NCKAP5: variants seen among roughly 807,000 people sequenced by gnomAD.
The protein encoded by NCKAP5 is NCK associated protein 5.
Under a neutral mutation model 167.0 loss-of-function variants are expected in NCKAP5, and 92 were observed. The observed-to-expected ratio is 0.55, with a 90% CI of 0.47 to 0.66. The LOEUF (loss-of-function observed/expected upper bound fraction) is 0.66, where lower values mean the gene tolerates loss of function less well. NCKAP5 is among the 30% of genes least tolerant of loss of function. The pLI is 0.00. For synonymous variants in NCKAP5, 891 were observed against 877.4 expected (o/e 1.02, Z -0.27); for missense variants, 2,378 against 2,315.0 (o/e 1.03, Z -0.56).
Position 132,782,362 on chromosome 2 carries a change from A to G in NCKAP5, c.4449T>C (p.Asn1483=). Residue 1483 remains asparagine, a synonymous_variant, in exon 14 of 20, where the codon AAT becomes AAC. Transcript: ENST00000409261. Reference sequence around the variant, plus strand: ...TTGTTTGCACTTGGCCCTTTTCCACATTTTCCTGAATGCACAACATGACCT... The same window carrying G: ...TTGTTTGCACTTGGCCCTTTTCCACGTTTTCCTGAATGCACAACATGACCT... ...EEKVMLCIQE[N]VEKGQVQTKP... The G allele has an allele frequency of 6.2e-7, 1 of 1,613,884 alleles. No individual in the cohort carries two copies. The highest frequency in any genetic ancestry group is 8.5e-7 in the Non-Finnish European group (1 of 1,179,882).
intron 11 of NCKAP5, 95 bp downstream of exon 11, chr2:132,860,397 C>T: frequency 1.5e-6 from 2 of 1,350,454 alleles, no homozygotes; most frequent in Non-Finnish European, 2.0e-6. Context: ...ATGCAATATG[C>T]CTTGCTCATG....
At chr2:133,021,342 AG>A (rs1352561245) in intron 6 of NCKAP5, among the ~76,000 whole-genome samples, 1 of 152,212 alleles carries the variant, frequency 6.6e-6, no homozygotes, top group Admixed American at 6.5e-5. Flanking sequence ...AGGGAGGCCC[AG>A]AAATGAACAA....
intron 6 of NCKAP5, among the ~76,000 whole-genome samples, chr2:133,062,907 A>G (rs938987191): frequency 1.3e-5 from 2 of 152,184 alleles, no homozygotes; most frequent in African/African-American, 4.8e-5. Context: ...AAATAACGAG[A>G]TTAAATTATC....
At chr2:133,123,510 T>C (rs1480694193) in intron 6 of NCKAP5, 1 of 198,138 alleles carries the variant, frequency 5.0e-6, no homozygotes, top group African/African-American at 2.3e-5. Flanking sequence ...CATCTTCAAC[T>C]TCTGGTAGAT....
chr2:133,240,960 G>C (rs1464567496), intron 4 of NCKAP5, among the ~76,000 whole-genome samples: 1 of 152,046 alleles, frequency 6.6e-6, no homozygotes, highest in Non-Finnish European at 1.5e-5. Flanking sequence ...AAACAATTTT[G>C]CTAAAATTCT....
chr2:133,111,533 G>C (rs1485475015), intron 6 of NCKAP5, among the ~76,000 whole-genome samples: 1 of 152,154 alleles, frequency 6.6e-6, no homozygotes, highest in East Asian at 1.9e-4. Context: ...GTGGGGATCA[G>C]AGCCTTCCTG....
intron 6 of NCKAP5, among the ~76,000 whole-genome samples, chr2:133,071,242 C>T (rs892309394): frequency 1.3e-5 from 2 of 152,144 alleles, no homozygotes; most frequent in African/African-American, 4.8e-5. Flanking sequence ...ACCAAGAAAA[C>T]TTACAAAAGA....
intron 19 of NCKAP5, among the ~76,000 whole-genome samples, chr2:132,717,143 T>C (rs138528744): frequency 7.8e-4 from 119 of 152,332 alleles, no homozygotes; most frequent in African/African-American, 2.8e-3. Context: ...TCAGTACTTT[T>C]CATTTGTCAT....
the NCKAP5 span, among the ~76,000 whole-genome samples, chr2:133,634,015 T>C: frequency 6.6e-6 from 1 of 152,180 alleles, no homozygotes; most frequent in Non-Finnish European, 1.5e-5. Context: ...TGGACTTGGT[T>C]AGATTGAGAT....
rs995586321 is a variant in NCKAP5 at position 133,265,903 on chromosome 2, A to T, written c.143+37134T>A. Among the ~76,000 whole-genome samples, 5 of 152,274 alleles carry T rather than the reference A, an allele frequency of 3.3e-5. No individual in the cohort carries two copies. The South Asian group carries it at 1.0e-3, about 32-fold the overall frequency. On this transcript the variant is annotated intron_variant, in intron 4 of 19. Coordinates refer to ENST00000409261, the MANE Select transcript of NCKAP5 (RefSeq NM_207363.3). ...AAGGCGCCACTCCAGTGGCCCCTAG[A>T]CACTGGAGTCAAGGCCAAGCGACAG...
At chr2:133,144,667 G>T (rs2083120716) in intron 5 of NCKAP5, among the ~76,000 whole-genome samples, 1 of 152,140 alleles carries the variant, frequency 6.6e-6, no homozygotes, top group Non-Finnish European at 1.5e-5. Flanking sequence ...TTGTCAGTGT[G>T]CTAGAAACAA....
intron 8 of NCKAP5, among the ~76,000 whole-genome samples, chr2:132,951,676 A>C (rs1428516259): frequency 6.6e-6 from 1 of 152,118 alleles, no homozygotes; most frequent in Non-Finnish European, 1.5e-5. Flanking sequence ...CGTGTTCCTG[A>C]CTCAGCAAGT....
chr2:133,323,758 T>C (rs369410493), intron 3 of NCKAP5, among the ~76,000 whole-genome samples: 3 of 152,156 alleles, frequency 2.0e-5, no homozygotes, highest in Admixed American at 6.5e-5. Context: ...GAGAGGTAAA[T>C]TGAACTTAAT....
At chr2:132,770,243 A>G (rs1257385445) in intron 16 of NCKAP5, among the ~76,000 whole-genome samples, 1 of 151,970 alleles carries the variant, frequency 6.6e-6, no homozygotes, top group Non-Finnish European at 1.5e-5. Context: ...AGGTACCTGT[A>G]TATAAAGGGC....
chr2:132,725,734 T>G lies in NCKAP5; in HGVS notation c.5606A>C (p.Tyr1869Ser). Residue 1869 changes from tyrosine to serine, a missense_variant, in exon 19 of 20, where the codon TAC becomes TCC. Physicochemically the swap from Tyr to Ser is moderately radical, Grantham distance 144 (BLOSUM62 -2). This residue lies in a region of NCKAP5 where 1,325 missense variants were observed against 1,274.5 expected (regional missense o/e 1.04). Transcript: ENST00000409261. ...TQDKAPRMCT[Y>S]SASGGSNSDS... The stretch of plus-strand genomic sequence containing the variant: ...ACTATTACTGCCACCGCTGGCAGAG[T>G]ACGTACACATTCTGGGTGCCTTGTC... The G allele has an allele frequency of 1.9e-6, 3 of 1,613,450 alleles. No homozygotes were observed. Among genetic ancestry groups the G allele is most frequent in the Non-Finnish European group, 2.5e-6 (3 of 1,179,740 alleles).
At chr2:133,606,497 C>T in the NCKAP5 span, among the ~76,000 whole-genome samples, 31 of 152,230 alleles carry the variant, frequency 2.0e-4, no homozygotes, top group South Asian at 4.6e-3. Context: ...AAATACCCAA[C>T]GCCTCCTAAA....
At chr2:133,669,093 T>C in the NCKAP5 span, among the ~76,000 whole-genome samples, 1 of 152,188 alleles carries the variant, frequency 6.6e-6, no homozygotes, top group Non-Finnish European at 1.5e-5. Flanking sequence ...TAAACAGTGA[T>C]ATTTGGTAAT....
intron 5 of NCKAP5, among the ~76,000 whole-genome samples, chr2:133,205,240 C>G (rs75372442): frequency 6.6e-6 from 1 of 152,038 alleles, no homozygotes; most frequent in African/African-American, 2.4e-5. Flanking sequence ...TTGCAATGGG[C>G]CAGGTTGTGC....
chr2:132,800,225 G>A (rs1199560182), intron 11 of NCKAP5, among the ~76,000 whole-genome samples: 1 of 152,088 alleles, frequency 6.6e-6, no homozygotes, highest in African/African-American at 2.4e-5. Context: ...CCCAGCTTAG[G>A]GGGCAAATTC....
Sources: allele counts gnomAD v4.1 joint callset (sites outside exome capture counted in the v4.1 genomes callset), GRCh38; gene constraint gnomAD v4.1.1; regional missense constraint gnomAD v4.1.1; transcripts MANE v1.5; gene names NCBI Gene and HGNC (gene_info 2026-07-23, HGNC 2026-07-21).